FMNL2: variants seen among roughly 807,000 people sequenced by gnomAD.
FMNL2 encodes formin-like protein 2.
Under a neutral mutation model 130.2 loss-of-function variants are expected in FMNL2, and 51 were observed. That is an observed-to-expected ratio of 0.39 (90% CI 0.31 to 0.49). The LOEUF (loss-of-function observed/expected upper bound fraction) is 0.49. FMNL2 is among the 20% of genes least tolerant of loss of function. FMNL2 has a pLI of 0.85. For missense variants in FMNL2, 977 were observed against 1,316.2 expected, an observed-to-expected ratio of 0.74 and a Z score of 3.99; for synonymous variants, 465 against 467.1, an observed-to-expected ratio of 1.00 and a Z score of 0.06.
At chr2:152,377,030 G>T (rs530891522) in intron 1 of FMNL2, among the ~76,000 whole-genome samples, 1 of 152,192 alleles carries the variant, frequency 6.6e-6, no homozygotes, top group Admixed American at 6.5e-5. Context: ...ACATAGATCT[G>T]GGATGGAAGC....
intron 10 of FMNL2, among the ~76,000 whole-genome samples, chr2:152,607,892 T>C (rs1270532265): frequency 6.6e-6 from 1 of 152,030 alleles, no homozygotes; most frequent in Non-Finnish European, 1.5e-5. Flanking sequence ...ATTTTTTTTT[T>C]CCTCCCTGAT....
rs118132387 is a variant in FMNL2, at chr2:152,573,191, G to A, written c.597-1945G>A. Among the ~76,000 whole-genome samples the A allele has an allele frequency of 5.4e-4, 82 of 152,298 alleles. 1 individual carries two copies. In the East Asian group the frequency reaches 0.014, roughly 27 times the overall value. On this transcript the variant is annotated intron_variant, in intron 6 of 25. Coordinates refer to ENST00000288670, the MANE Select transcript of FMNL2 (RefSeq NM_052905.4). ...TGCTTACCAAGGTATTGGCCACTGT[G>A]TTCTGTAAGAGATGCCTATATGCTG... is the stretch of plus-strand genomic sequence containing the variant.
In FMNL2 at chr2:152,387,833, T is replaced by C. The variant is rs544430167; in HGVS notation, c.117+52113T>C. On this transcript the variant is annotated intron_variant, in intron 1 of 25. Transcript: ENST00000288670. Reference sequence around the variant, plus strand: ...ATTAAAAAAAAAATTTTTTTTTTTTTTGTAGAGGTGGTGTCTCACTATGTT... The same window carrying C: ...ATTAAAAAAAAAATTTTTTTTTTTTCTGTAGAGGTGGTGTCTCACTATGTT... 1.0e-4 allele frequency among the ~76,000 whole-genome samples: 14 copies of C among 139,986 alleles called. No homozygotes were observed. The South Asian group carries it at 3.2e-3, about 32-fold the overall frequency. The allele number at this position is 139,986 out of a possible 152,430, so 91.8% of individuals were successfully genotyped here.
At chr2:152,364,259 GTGTTTTTT>G (rs1176305384) in intron 1 of FMNL2, among the ~76,000 whole-genome samples, 3,176 of 100,648 alleles carry the variant, frequency 0.032, 99 homozygotes, top group African/African-American at 0.078. Flanking sequence ...GGAGGTTTGT[GTGTTTTTT>G]TTTTTTTTTT....
chr2:152,346,726 A>C (rs1286574961), intron 1 of FMNL2, among the ~76,000 whole-genome samples: 1 of 152,168 alleles, frequency 6.6e-6, no homozygotes, highest in African/African-American at 2.4e-5. Flanking sequence ...AGAAATTTAA[A>C]AATTCTTTCT....
At chr2:152,590,669 T>C (rs1697381352) in intron 9 of FMNL2, among the ~76,000 whole-genome samples, 1 of 151,946 alleles carries the variant, frequency 6.6e-6, no homozygotes, top group African/African-American at 2.4e-5. Context: ...TATGAAGTGC[T>C]GGATATGTTA....
intron 17 of FMNL2, among the ~76,000 whole-genome samples, chr2:152,627,397 A>C (rs374438939): frequency 6.6e-6 from 1 of 152,232 alleles, no homozygotes; most frequent in Non-Finnish European, 1.5e-5. Context: ...AATGTGATGA[A>C]GACATTATTA....
At chr2:152,475,031 C>A (rs73968029) in intron 1 of FMNL2, among the ~76,000 whole-genome samples, 17,294 of 152,226 alleles carry the variant, frequency 0.11, 1,193 homozygotes, top group East Asian at 0.27. Flanking sequence ...CAAGTCATTT[C>A]GTCTTCCAAA....
intron 1 of FMNL2, among the ~76,000 whole-genome samples, chr2:152,435,337 A>G (rs1012068224): frequency 6.6e-6 from 1 of 152,186 alleles, no homozygotes; most frequent in African/African-American, 2.4e-5. Context: ...TAAAGGGCAA[A>G]TGGGACAGAT....
intron 1 of FMNL2, among the ~76,000 whole-genome samples, chr2:152,477,207 A>G (rs1045645622): frequency 6.6e-6 from 1 of 152,254 alleles, no homozygotes; most frequent in Non-Finnish European, 1.5e-5. Flanking sequence ...CAAGAATTAT[A>G]GTGCAGTAAG....
At chr2:152,542,332 A>G (rs1694355219) in intron 2 of FMNL2, among the ~76,000 whole-genome samples, 1 of 152,250 alleles carries the variant, frequency 6.6e-6, no homozygotes, top group Non-Finnish European at 1.5e-5. Context: ...ATTTGCCAAC[A>G]TTGAAGATAT....
At chr2:152,508,830 G>A (rs1392408642) in intron 1 of FMNL2, among the ~76,000 whole-genome samples, 2 of 152,102 alleles carry the variant, frequency 1.3e-5, no homozygotes, top group Non-Finnish European at 2.9e-5. Context: ...TCAGATTTCT[G>A]CATCCTGCCA....
intron 13 of FMNL2, 120 bp from the exon 14 acceptor site, chr2:152,618,726 C>T: frequency 1.2e-6 from 1 of 836,798 alleles, no homozygotes; most frequent in East Asian, 2.7e-5. Flanking sequence ...TAGCTGAATT[C>T]CAAAGAATTC....
At chr2:152,439,780 C>T (rs1032495461) in intron 1 of FMNL2, among the ~76,000 whole-genome samples, 2 of 149,336 alleles carry the variant, frequency 1.3e-5, no homozygotes, top group Non-Finnish European at 3.0e-5. Context: ...GTTTTGGGGT[C>T]ATATTTAAGT....
rs1686364878 is a variant in FMNL2 at position 152,412,474 on chromosome 2, ATATATATATATATATATATATATATAT to A, written c.117+76755_117+76781del. On this transcript the variant is annotated intron_variant, in intron 1 of 25. Coordinates refer to ENST00000288670, the MANE Select transcript of FMNL2 (RefSeq NM_052905.4). ...TATATATATATATATATATATATAT[ATATATATATATATATATATATATATAT>A]AAATTAGAAAAAAATTGAAACAGGG... Among the ~76,000 whole-genome samples the A allele has an allele frequency of 1.6e-3, 50 of 30,534 alleles. 1 individual carries two copies. The highest frequency in any genetic ancestry group is 0.022 in the Middle Eastern group (2 of 90). The allele number at this position is 30,534 out of a possible 152,430, so 20.0% of individuals were successfully genotyped here. A position where few individuals can be genotyped will look rare whatever the true frequency, so the allele number is the denominator to read the frequency against.
At chr2:152,348,366 G>A (rs1004057834) in intron 1 of FMNL2, among the ~76,000 whole-genome samples, 1 of 152,130 alleles carries the variant, frequency 6.6e-6, no homozygotes, top group African/African-American at 2.4e-5. Context: ...CATGTCTTAC[G>A]GGGTCTGACA....
chr2:152,520,519 C>T (rs1468117668), intron 1 of FMNL2, among the ~76,000 whole-genome samples: 1 of 150,498 alleles, frequency 6.6e-6, no homozygotes, highest in African/African-American at 2.4e-5. Flanking sequence ...TGCTTGAACC[C>T]AGGAAGCGGA....
intron 11 of FMNL2, 25 bp from the exon 12 acceptor site, chr2:152,614,826 C>T (rs762653790): frequency 8.9e-6 from 14 of 1,579,470 alleles, no homozygotes; most frequent in South Asian, 8.2e-5. Context: ...GCTAACACCA[C>T]GTTCTCTCCT....
rs986720292 is a variant in FMNL2 at position 152,579,096 on chromosome 2, T to C, written c.782+132T>C. ...GAAATAAGATTGGCTATAAACTCTT[T>C]GGCTGTGTAAGAATTTTTCCTTTTA... On this transcript the variant is annotated intron_variant, in intron 8 of 25. Coordinates refer to ENST00000288670, the MANE Select transcript of FMNL2 (RefSeq NM_052905.4). 37 of 724,778 alleles carry C rather than the reference T, an allele frequency of 5.1e-5. 2 individuals carry two copies. The highest frequency in any genetic ancestry group is 7.7e-4 in the Middle Eastern group (2 of 2,610). The allele number at this position is 724,778 out of a possible 1,614,324, so 44.9% of individuals were successfully genotyped here. A position where few individuals can be genotyped will look rare whatever the true frequency, so the allele number is the denominator to read the frequency against.
Sources: allele counts gnomAD v4.1 joint callset (sites outside exome capture counted in the v4.1 genomes callset), GRCh38; gene constraint gnomAD v4.1.1; transcripts MANE v1.5; gene names NCBI Gene and HGNC (gene_info 2026-07-23, HGNC 2026-07-21).